ADARB2: variants seen among roughly 807,000 people sequenced by gnomAD.
The protein encoded by ADARB2 is inactive double-stranded RNA-specific editase B2.
ADARB2 carries 25 observed loss-of-function variants against 62.2 expected under a neutral mutation model. That is an observed-to-expected ratio of 0.40 (90% confidence interval 0.29 to 0.56). ADARB2 has a LOEUF of 0.56. Among genes scored for constraint, ADARB2 ranks in the 20% least tolerant of loss-of-function variants. ADARB2 has a pLI of 0.43. For synonymous variants in ADARB2, 572 were observed against 500.8 expected (o/e 1.14, Z -1.90); for missense variants, 1,071 against 1,077.4 (o/e 0.99, Z 0.08).
intron 7 of ADARB2, among the ~76,000 whole-genome samples, chr10:1,209,177 C>T (rs567696180): frequency 2.0e-5 from 3 of 152,230 alleles, no homozygotes; most frequent in South Asian, 2.1e-4. Context: ...ACGCTGAGGG[C>T]GCCTGAGAGG....
chr10:1,487,412 A>G (rs910611900), intron 1 of ADARB2, among the ~76,000 whole-genome samples: 2 of 152,218 alleles, frequency 1.3e-5, no homozygotes, highest in Non-Finnish European at 2.9e-5. Context: ...CTGGTCTGGG[A>G]GCTGGACTTC....
At chr10:1,603,012 A>C (rs1025565469) in intron 1 of ADARB2, among the ~76,000 whole-genome samples, 29 of 141,098 alleles carry the variant, frequency 2.1e-4, no homozygotes, top group African/African-American at 7.2e-4. Flanking sequence ...ACAACTGTAC[A>C]CACACATACA....
At chr10:1,329,268 C>A (rs1831905668) in intron 3 of ADARB2, among the ~76,000 whole-genome samples, 2 of 152,188 alleles carry the variant, frequency 1.3e-5, no homozygotes, top group Non-Finnish European at 2.9e-5. Context: ...AAATGGAAAT[C>A]TAGGCATTCA....
intron 2 of ADARB2, among the ~76,000 whole-genome samples, chr10:1,368,118 C>G (rs1832329212): frequency 6.6e-6 from 1 of 152,008 alleles, no homozygotes; most frequent in Admixed American, 6.6e-5. Context: ...CAGCGGTGGC[C>G]TCTGCATGGA....
chr10:1,272,578 A>T (rs1190261687), intron 3 of ADARB2, among the ~76,000 whole-genome samples: 1 of 152,186 alleles, frequency 6.6e-6, no homozygotes, highest in Non-Finnish European at 1.5e-5. Flanking sequence ...TGTAGCCTGT[A>T]AATGATGTCA....
intron 1 of ADARB2, among the ~76,000 whole-genome samples, chr10:1,441,091 C>G (rs1173950302): frequency 6.6e-6 from 1 of 152,196 alleles, no homozygotes; most frequent in Non-Finnish European, 1.5e-5. Flanking sequence ...GTCAGGTAGA[C>G]CAGATGTCAG....
At chr10:1,729,493 C>G (rs538681565) in intron 1 of ADARB2, among the ~76,000 whole-genome samples, 12 of 152,284 alleles carry the variant, frequency 7.9e-5, no homozygotes, top group Non-Finnish European at 1.5e-4. Context: ...TGGAGGAGGT[C>G]AGAATCTATT....
chr10:1,576,940 G>C (rs1174460556), intron 1 of ADARB2, among the ~76,000 whole-genome samples: 1 of 152,162 alleles, frequency 6.6e-6, no homozygotes, highest in Non-Finnish European at 1.5e-5. Context: ...GTCTCCAAGG[G>C]GCTGGGGCTG....
intron 5 of ADARB2, among the ~76,000 whole-genome samples, chr10:1,234,961 G>T (rs886872509): frequency 2.6e-5 from 4 of 152,064 alleles, no homozygotes; most frequent in African/African-American, 9.7e-5. Context: ...TGGCCAGGCT[G>T]GTTTTGAACT....
At chr10:1,726,147 G>C (rs1325217896) in intron 1 of ADARB2, among the ~76,000 whole-genome samples, 2 of 152,196 alleles carry the variant, frequency 1.3e-5, no homozygotes, top group Non-Finnish European at 2.9e-5. Flanking sequence ...AAAATGAGCA[G>C]AGCCTAGGCA....
At chr10:1,635,321 C>T (rs1378323330) in intron 1 of ADARB2, among the ~76,000 whole-genome samples, 1 of 152,212 alleles carries the variant, frequency 6.6e-6, no homozygotes, top group Non-Finnish European at 1.5e-5. Context: ...AGTGCTGGGC[C>T]TGGAGTGGTG....
At chr10:1,711,599 C>G (rs1162467433) in intron 1 of ADARB2, among the ~76,000 whole-genome samples, 1 of 152,206 alleles carries the variant, frequency 6.6e-6, no homozygotes, top group African/African-American at 2.4e-5. Flanking sequence ...ACCTTTAGAG[C>G]TGATTTCCAG....
rs552454855 is a variant in ADARB2 at position 1,319,425 on chromosome 10, CAGAT to C, written c.1077+43599_1077+43602del. Among the ~76,000 whole-genome samples, 524 of 152,288 alleles carry C rather than the reference CAGAT, an allele frequency of 3.4e-3. 4 individuals carry two copies. The highest frequency in any genetic ancestry group is 0.012 in the African/African-American group (491 of 41,556). ...GCAGAAGGATAAGTCATACAGCTGA[CAGAT>C]AGATCACCTGGAAATTAAAATTTTC... is the stretch of plus-strand genomic sequence containing the variant. On this transcript the variant is annotated intron_variant, in intron 3 of 9. Coordinates refer to ENST00000381312, the MANE Select transcript of ADARB2 (RefSeq NM_018702.4).
At chr10:1,316,474 G>A (rs183515461) in intron 3 of ADARB2, among the ~76,000 whole-genome samples, 2 of 152,344 alleles carry the variant, frequency 1.3e-5, no homozygotes, top group Non-Finnish European at 1.5e-5. Context: ...CATGCCCTGT[G>A]CTGGCCTCAT....
intron 8 of ADARB2, among the ~76,000 whole-genome samples, chr10:1,193,538 A>T (rs1836869681): frequency 1.3e-5 from 2 of 152,192 alleles, no homozygotes; most frequent in African/African-American, 4.8e-5. Context: ...TTCAAACTGG[A>T]TAAAAGTGTG....
chr10:1,534,139 T>TTG (rs1433993240), intron 1 of ADARB2, among the ~76,000 whole-genome samples: 8 of 147,684 alleles, frequency 5.4e-5, no homozygotes, highest in African/African-American at 1.7e-4. Flanking sequence ...TTGAAATAGT[T>TTG]TTTTTTTTTT....
At chr10:1,296,780 G>A (rs1263466473) in intron 3 of ADARB2, among the ~76,000 whole-genome samples, 1 of 152,208 alleles carries the variant, frequency 6.6e-6, no homozygotes, top group Non-Finnish European at 1.5e-5. Flanking sequence ...GAAAATGGGA[G>A]AGTAGTTTTT....
intron 1 of ADARB2, among the ~76,000 whole-genome samples, chr10:1,616,508 C>A (rs1450960986): frequency 6.8e-6 from 1 of 147,778 alleles, no homozygotes; most frequent in African/African-American, 2.5e-5. Context: ...ATCCTGGGAA[C>A]TGGCCTCAGA....
chr10:1,363,281 C>A lies in ADARB2; in HGVS notation c.824G>T (p.Gly275Val), dbSNP rs1332104947. ...CAGCAGCACCACGGGGTTGCGCTCG[C>A]CCGGGGCCGCGGGGGTGGCGGGGGT... is the stretch of plus-strand genomic sequence containing the variant. Reference protein sequence around the residue: ...GPTPATPAAPGERNPVVLLNR... With the variant: ...GPTPATPAAPVERNPVVLLNR... The change falls in exon 3 of 10, where the codon GGC becomes GTC. Residue 275 changes from glycine to valine, a missense_variant. Physicochemically the swap from Gly to Val is moderately radical, Grantham distance 109. Transcript: ENST00000381312. 2 of 1,244,080 alleles carry A rather than the reference C, an allele frequency of 1.6e-6. No homozygotes were observed. The highest frequency in any genetic ancestry group is 2.0e-6 in the Non-Finnish European group (2 of 993,244). The allele number at this position is 1,244,080 out of a possible 1,614,324, so 77.1% of individuals were successfully genotyped here.
Sources: gnomAD v4.1 joint callset for allele counts (sites outside exome capture counted in the v4.1 genomes callset) on GRCh38, gnomAD v4.1.1 for gene constraint, MANE v1.5 for transcripts, NCBI Gene and HGNC (gene_info 2026-07-23, HGNC 2026-07-21) for gene names.